The following ADCY5 variants were observed in gnomAD, a reference collection of about 807,000 sequenced individuals.
ADCY5 encodes adenylate cyclase 5.
ADCY5 carries 30 observed loss-of-function variants against 119.7 expected under a neutral mutation model. The observed-to-expected ratio is 0.25, with a 90% CI of 0.19 to 0.34. The LOEUF is 0.34. Among genes scored for constraint, ADCY5 ranks in the 10% least tolerant of loss-of-function variants. The pLI is 1.00. For synonymous variants in ADCY5, 753 were observed against 762.2 expected, an observed-to-expected ratio of 0.99 and a Z score of 0.20; for missense variants, 1,324 against 1,775.2, an observed-to-expected ratio of 0.75 and a Z score of 4.57.
intron 9 of ADCY5, 139 bp downstream of exon 9, chr3:123,320,609 AG>A: frequency 8.4e-7 from 1 of 1,183,968 alleles, no homozygotes; most frequent in Admixed American, 1.9e-5. Context: ...CCTGACGGCT[AG>A]GGTGGGCTCC....
chr3:123,399,203 G>C (rs1263890510), intron 1 of ADCY5, among the ~76,000 whole-genome samples: 3 of 152,218 alleles, frequency 2.0e-5, no homozygotes, highest in African/African-American at 7.2e-5. Context: ...AACAAAAGAT[G>C]TAAAGTCACC....
chr3:123,438,559 C>T (rs1945665328), intron 1 of ADCY5, among the ~76,000 whole-genome samples: 1 of 152,198 alleles, frequency 6.6e-6, no homozygotes, highest in Non-Finnish European at 1.5e-5. Context: ...ATCCCTTTGT[C>T]CAGCAGATCC....
At chr3:123,354,688 A>T (rs907614803) in intron 1 of ADCY5, among the ~76,000 whole-genome samples, 1 of 152,178 alleles carries the variant, frequency 6.6e-6, no homozygotes, top group Admixed American at 6.5e-5. Flanking sequence ...GACAGGAGAA[A>T]CTGGGAGGAA....
At chr3:123,319,271 T>G (rs1941084619) in intron 10 of ADCY5, among the ~76,000 whole-genome samples, 2 of 150,406 alleles carry the variant, frequency 1.3e-5, no homozygotes, top group African/African-American at 4.9e-5. Context: ...GGAGAATCAC[T>G]TGAACCTCGG....
intron 7 of ADCY5, among the ~76,000 whole-genome samples, chr3:123,325,705 A>C (rs1941455053): frequency 6.6e-6 from 1 of 152,174 alleles, no homozygotes; most frequent in African/African-American, 2.4e-5. Flanking sequence ...AGATGATGAG[A>C]GTTGGTCTTG....
At chr3:123,346,092 C>T (rs115590031) in intron 3 of ADCY5, among the ~76,000 whole-genome samples, 4 of 152,192 alleles carry the variant, frequency 2.6e-5, no homozygotes, top group Non-Finnish European at 5.9e-5. Context: ...AGTAGATGAA[C>T]GCACGTAGGG....
At chr3:123,297,222 C>A in intron 16 of ADCY5, 131 bp downstream of exon 16, 3 of 1,413,692 alleles carry the variant, frequency 2.1e-6, no homozygotes, top group South Asian at 1.2e-5. Flanking sequence ...ACCAGCCTCC[C>A]TGTCCTGTTG....
At chr3:123,417,147 T>C (rs1234338248) in intron 1 of ADCY5, among the ~76,000 whole-genome samples, 2 of 151,374 alleles carry the variant, frequency 1.3e-5, no homozygotes, top group East Asian at 1.9e-4. Flanking sequence ...AAAGGTGCAT[T>C]GCAGTTCCAT....
chr3:123,288,143 G>C (rs1356755593), intron 19 of ADCY5, among the ~76,000 whole-genome samples: 2 of 152,210 alleles, frequency 1.3e-5, no homozygotes, highest in African/African-American at 2.4e-5. Context: ...AGCCCACAAA[G>C]CACTGTGCCT....
chr3:123,339,934 C>T (rs1942197871), intron 3 of ADCY5, among the ~76,000 whole-genome samples: 1 of 152,214 alleles, frequency 6.6e-6, no homozygotes. Context: ...GCTTTTTCTT[C>T]TCCATACTGC....
chr3:123,357,171 T>C (rs1043486004), intron 1 of ADCY5, among the ~76,000 whole-genome samples: 1 of 152,084 alleles, frequency 6.6e-6, no homozygotes, highest in Non-Finnish European at 1.5e-5. Flanking sequence ...CACATCTGTA[T>C]GCATTTGTTA....
At chr3:123,324,771 A>T (rs1168309312) in intron 8 of ADCY5, among the ~76,000 whole-genome samples, 4 of 152,136 alleles carry the variant, frequency 2.6e-5, no homozygotes, top group African/African-American at 9.7e-5. Context: ...CTCAGCCCAC[A>T]TGCTCCCACT....
At chr3:123,301,694 C>T (rs1233297567) in intron 14 of ADCY5, among the ~76,000 whole-genome samples, 2 of 152,220 alleles carry the variant, frequency 1.3e-5, no homozygotes, top group African/African-American at 4.8e-5. Context: ...TCCCCCCAGG[C>T]CTTAGCCTCA....
intron 2 of ADCY5, among the ~76,000 whole-genome samples, chr3:123,349,580 T>A (rs1014970287): frequency 6.6e-6 from 1 of 152,136 alleles, no homozygotes; most frequent in African/African-American, 2.4e-5. Flanking sequence ...ACCAGCCACA[T>A]CACATATGGG....
At chr3:123,370,275 G>A (rs981386758) in intron 1 of ADCY5, among the ~76,000 whole-genome samples, 35 of 152,122 alleles carry the variant, frequency 2.3e-4, no homozygotes, top group African/African-American at 6.5e-4. Context: ...AAGATTAACC[G>A]TTTTATTTAA....
At chr3:123,437,571 A>G (rs1945641832) in intron 1 of ADCY5, among the ~76,000 whole-genome samples, 1 of 152,240 alleles carries the variant, frequency 6.6e-6, no homozygotes, top group African/African-American at 2.4e-5. Context: ...CATAAGGATG[A>G]CATGAAGATT....
At chr3:123,435,303 G>A (rs1052459718) in intron 1 of ADCY5, among the ~76,000 whole-genome samples, 6 of 152,112 alleles carry the variant, frequency 3.9e-5, no homozygotes, top group Non-Finnish European at 7.4e-5. Context: ...AAATAAATAC[G>A]TAAGGCAGCA....
chr3:123,417,397 C>G lies in ADCY5; in HGVS notation c.1134+30015G>C, dbSNP rs539197455. Reference sequence around the variant, plus strand: ...GATAACGGCCCGCTGGCCAGTGAGCCCTCTTCCCCTCACAAGCCCTGGACA... The same window carrying G: ...GATAACGGCCCGCTGGCCAGTGAGCGCTCTTCCCCTCACAAGCCCTGGACA... On this transcript the variant is annotated intron_variant, in intron 1 of 20. Transcript: ENST00000462833. 1.2e-4 allele frequency among the ~76,000 whole-genome samples: 19 copies of G among 152,348 alleles called. 1 individual carries two copies. In the South Asian group the frequency reaches 3.5e-3, roughly 28 times the overall value.
chr3:123,423,199 G>A (rs140397872), intron 1 of ADCY5, among the ~76,000 whole-genome samples: 17 of 152,032 alleles, frequency 1.1e-4, no homozygotes, highest in African/African-American at 2.9e-4. Context: ...ACTCACATCC[G>A]CCTCCTCCTT....
Sources: allele counts gnomAD v4.1 joint callset (sites outside exome capture counted in the v4.1 genomes callset), GRCh38; gene constraint gnomAD v4.1.1; transcripts MANE v1.5; gene names NCBI Gene and HGNC (gene_info 2026-07-23, HGNC 2026-07-21).